The following CCNYL1 variants were observed in gnomAD, a reference collection of about 807,000 sequenced individuals.
CCNYL1 encodes the protein cyclin-Y-like protein 1.
In CCNYL1, 16 loss-of-function variants were observed where a neutral mutation model predicts 44.2. The observed-to-expected ratio is 0.36, with a 90% confidence interval of 0.25 to 0.55. The LOEUF (loss-of-function observed/expected upper bound fraction) is 0.55. CCNYL1 is among the 20% of genes least tolerant of loss of function. The pLI is 0.85. For synonymous variants in CCNYL1, 159 were observed against 163.2 expected, an observed-to-expected ratio of 0.97 and a Z score of 0.20; for missense variants, 348 against 451.8, an observed-to-expected ratio of 0.77 and a Z score of 2.08.
At chr2:207,752,282 C>T (rs1254869993) in intron 9 of CCNYL1, among the ~76,000 whole-genome samples, 1 of 152,134 alleles carries the variant, frequency 6.6e-6, no homozygotes, top group African/African-American at 2.4e-5. Context: ...TGGCTCACAC[C>T]TGTAATTCCA....
Position 207,754,717 on chromosome 2 carries a change from G to A in CCNYL1, c.*1019G>A, listed in dbSNP as rs1349022275. The A allele has an allele frequency of 1.1e-4, 17 of 154,138 alleles. No homozygotes were observed. In the South Asian group the frequency reaches 2.4e-3, roughly 22 times the overall value. 9.5% of individuals were successfully genotyped at this position (154,138 alleles called of 1,614,324 possible). On this transcript the variant is annotated 3_prime_UTR_variant, in exon 10 of 10. Transcript: ENST00000295414. ...GTGCAATCATTGTGCACTCACTGCA[G>A]CCTAGAACTTCCTGGTCTCAAGCCA...
chr2:207,714,310 CTCTTTT>C, intron 1 of CCNYL1: 1 of 363,552 alleles, frequency 2.8e-6, no homozygotes, highest in Admixed American at 3.7e-5. Context: ...ACACTTACAT[CTCTTTT>C]TTTTTTTTTT....
chr2:207,751,361 C>G (rs774655695), intron 9 of CCNYL1, among the ~76,000 whole-genome samples: 1 of 152,174 alleles, frequency 6.6e-6, no homozygotes, highest in Non-Finnish European at 1.5e-5. Context: ...TATTTTAAAT[C>G]AAATTTAATC....
chr2:207,748,361 G>A (rs1276332211), intron 8 of CCNYL1, among the ~76,000 whole-genome samples: 4 of 152,194 alleles, frequency 2.6e-5, no homozygotes, highest in Admixed American at 2.6e-4. Flanking sequence ...GAGAGTGCAA[G>A]GATCCTTGCT....
At position 207,711,967 on chromosome 2, in the gene CCNYL1, C is replaced by T. The variant is rs535464072; in HGVS notation, c.71C>T (p.Ala24Val). Residue 24 changes from alanine to valine, a missense_variant, in exon 1 of 10, where the codon GCG (alanine) becomes GTG (valine). Around this residue, in one of 3 missense-constraint regions of CCNYL1, gnomAD observed 209 missense variants for 247.7 expected, o/e 0.84. Transcript: ENST00000295414. Reference sequence around the variant, plus strand: ...AAGCTGGGCCGGCGCGCGGGGTCGGCGGAGCTGTACTGCGCGTCCGACATC... The same window carrying T: ...AAGCTGGGCCGGCGCGCGGGGTCGGTGGAGCTGTACTGCGCGTCCGACATC... ...SPKLGRRAGS[A>V]ELYCASDIYE... is the part of the protein sequence containing the mutation. 3 of 1,404,804 alleles carry T rather than the reference C, an allele frequency of 2.1e-6. No homozygotes were observed. The highest frequency in any genetic ancestry group is 6.6e-5 in the Admixed American group (2 of 30,112). 87.0% of individuals were successfully genotyped at this position (1,404,804 alleles called of 1,614,324 possible).
rs1269637524 is a variant in CCNYL1 at position 207,734,027 on chromosome 2, T to C, written c.411T>C (p.Asn137=). ...FLDDSTVSQP[N]LRTTVKCVTL... is the part of the protein sequence containing the mutation. Reference sequence around the variant, plus strand: ...ATGACAGCACAGTCAGCCAGCCTAATCTTAGAACCACAGTAAAATGGTGAG... The same window carrying C: ...ATGACAGCACAGTCAGCCAGCCTAACCTTAGAACCACAGTAAAATGGTGAG... The change falls in exon 4 of 10, where the codon AAT becomes AAC. Residue 137 remains asparagine, a synonymous_variant. Coordinates refer to ENST00000295414, the MANE Select transcript of CCNYL1 (RefSeq NM_001330218.2). 6.2e-6 allele frequency: 10 copies of C among 1,612,952 alleles called. No homozygotes were observed. Among genetic ancestry groups the C allele is most frequent in the Non-Finnish European group, 8.5e-6 (10 of 1,179,096 alleles).
chr2:207,744,138 C>T (rs1038023926), intron 7 of CCNYL1, among the ~76,000 whole-genome samples: 2 of 152,124 alleles, frequency 1.3e-5, no homozygotes, highest in African/African-American at 4.8e-5. Flanking sequence ...CTAGAGGTGA[C>T]ATTTGAGCAG....
intron 1 of CCNYL1, chr2:207,714,312 CTTTTTTTTTTTTTTTT>C: frequency 3.2e-6 from 1 of 309,164 alleles, no homozygotes; most frequent in South Asian, 2.2e-5. Flanking sequence ...ACTTACATCT[CTTTTTTTTTTTTTTTT>C]TTTTTTTTTT....
chr2:207,743,130 G>A (rs2091824444), intron 7 of CCNYL1, among the ~76,000 whole-genome samples: 1 of 152,222 alleles, frequency 6.6e-6, no homozygotes, highest in South Asian at 2.1e-4. Flanking sequence ...GAAGGCTTCT[G>A]TGCACTTGAA....
At chr2:207,746,245 C>T (rs1451109450) in intron 7 of CCNYL1, among the ~76,000 whole-genome samples, 1 of 152,198 alleles carries the variant, frequency 6.6e-6, no homozygotes, top group Non-Finnish European at 1.5e-5. Flanking sequence ...CACTGGGTGG[C>T]TCTCTTGACC....
intron 5 of CCNYL1, 42 bp from the exon 6 acceptor site, chr2:207,740,613 A>G (rs770707236): frequency 8.1e-6 from 11 of 1,351,236 alleles, no homozygotes; most frequent in East Asian, 4.6e-5. Context: ...GATATTAACA[A>G]TTCCTGAATT....
intron 9 of CCNYL1, among the ~76,000 whole-genome samples, chr2:207,751,380 A>G (rs2091889156): frequency 1.3e-5 from 2 of 152,216 alleles, no homozygotes; most frequent in African/African-American, 4.8e-5. Flanking sequence ...TCTGTTGTTA[A>G]TGAGGTTTCC....
chr2:207,732,609 G>A (rs1289205639), intron 3 of CCNYL1, among the ~76,000 whole-genome samples: 1 of 151,408 alleles, frequency 6.6e-6, no homozygotes. Flanking sequence ...TTTTTTAAGT[G>A]TTAAAATTAT....
chr2:207,713,319 A>G (rs1428497581), intron 1 of CCNYL1, among the ~76,000 whole-genome samples: 1 of 152,202 alleles, frequency 6.6e-6, no homozygotes. Flanking sequence ...ATGGTTTGGA[A>G]GTTAAAATGC....
Position 207,751,124 on chromosome 2 carries a change from G to A in CCNYL1, c.969+5G>A, listed in dbSNP as rs1162232056. Reference sequence around the variant, plus strand: ...GAAAGAGCACAGAACCTAGAGGTAAGGCTATGAAGTCACTAAGTGAGGTTT... The same window carrying A: ...GAAAGAGCACAGAACCTAGAGGTAAAGCTATGAAGTCACTAAGTGAGGTTT... On this transcript the variant is annotated splice_donor_5th_base_variant and intron_variant, in intron 9 of 9. Transcript: ENST00000295414. 7 of 1,610,468 alleles carry A rather than the reference G, an allele frequency of 4.3e-6. No homozygotes were observed. Among genetic ancestry groups the A allele is most frequent in the Non-Finnish European group, 5.9e-6 (7 of 1,178,634 alleles).
chr2:207,740,701 C>CT lies in CCNYL1; in HGVS notation c.516dup (p.Thr173TyrfsTer11). On this transcript the variant is annotated frameshift_variant, in exon 6 of 10. Coordinates refer to ENST00000295414, the MANE Select transcript of CCNYL1 (RefSeq NM_001330218.2). LOFTEE classifies it high-confidence loss of function. ...TATTTTTGATGAGAGATCACATCCA[C>CT]TTACAGTAAGTGTCACTTTTTTTGA... 6.2e-7 allele frequency: 1 copy of CT among 1,600,018 alleles called. No individual in the cohort carries two copies. The highest frequency in any genetic ancestry group is 8.6e-7 in the Non-Finnish European group (1 of 1,168,276).
chr2:207,729,281 C>T (rs1209857839), intron 3 of CCNYL1, among the ~76,000 whole-genome samples: 1 of 114,710 alleles, frequency 8.7e-6, no homozygotes, highest in African/African-American at 3.9e-5. Context: ...ACCCCCCCCA[C>T]CCCCCCGCAC....
At chr2:207,726,756 G>C (rs993922033) in intron 2 of CCNYL1, 86 bp from the exon 3 acceptor site, 2 of 823,822 alleles carry the variant, frequency 2.4e-6, no homozygotes, top group Non-Finnish European at 3.9e-6. Context: ...ATCTCATTTT[G>C]TATATTGTTA....
rs549169000 is a variant in CCNYL1 at position 207,732,011 on chromosome 2, T to C, written c.331-1936T>C. ...TTTTAGTAGAGATAGGGTTTCTCCA[T>C]GTTGGCCTGGCTGGTCTCGAACTCC... On this transcript the variant is annotated intron_variant, in intron 3 of 9. Transcript: ENST00000295414. Among the ~76,000 whole-genome samples, 3 of 152,258 alleles carry C rather than the reference T, an allele frequency of 2.0e-5. No homozygotes were observed. In the East Asian group the frequency reaches 5.8e-4, roughly 29 times the overall value.
Sources: gnomAD v4.1 joint callset for allele counts (sites outside exome capture counted in the v4.1 genomes callset) on GRCh38, gnomAD v4.1.1 for gene constraint, gnomAD v4.1.1 regional missense constraint, MANE v1.5 for transcripts, NCBI Gene and HGNC (gene_info 2026-07-23, HGNC 2026-07-21) for gene names.